GCGR: variants seen among roughly 807,000 people sequenced by gnomAD.
GCGR encodes glucagon receptor.
In GCGR, 41 loss-of-function variants were observed where a neutral mutation model predicts 56.1. That is an observed-to-expected ratio of 0.73 (90% CI 0.57 to 0.95). The LOEUF (loss-of-function observed/expected upper bound fraction) is 0.95, where lower values mean the gene tolerates loss of function less well. Among genes scored for constraint, GCGR ranks in the 40% least tolerant of loss-of-function variants. GCGR has a pLI of 0.00. For missense variants in GCGR, 595 were observed against 638.2 expected, an observed-to-expected ratio of 0.93 and a Z score of 0.73; for synonymous variants, 278 against 271.1, an observed-to-expected ratio of 1.03 and a Z score of -0.25.
chr17:81,808,906 C>T lies in GCGR; in HGVS notation c.-113C>T. 1 of 1,335,326 alleles carries T rather than the reference C, an allele frequency of 7.5e-7. No individual in the cohort carries two copies. Among genetic ancestry groups the T allele is most frequent in the East Asian group, 2.5e-5 (1 of 39,980 alleles). 82.7% of individuals were successfully genotyped at this position (1,335,326 alleles called of 1,614,324 possible). On this transcript the variant is annotated 5_prime_UTR_variant, in exon 2 of 14. Coordinates refer to ENST00000400723, the MANE Select transcript of GCGR (RefSeq NM_000160.5). ...CCCACTGGCCAGGACGCCCCAGGCT[C>T]TGCTGCTCTGCCACTCAGCTGCCCT...
In GCGR at chr17:81,813,862, T is replaced by C; in HGVS notation, c.*173T>C. ...AGATTGGGCCTCCTCTCCCTGCACC[T>C]GCCTTGTCCCTGGTGCAGAGGTGAG... On this transcript the variant is annotated 3_prime_UTR_variant, in exon 14 of 14. Coordinates refer to ENST00000400723, the MANE Select transcript of GCGR (RefSeq NM_000160.5). This position sits in a 1 kb window ranked among gnomAD's most constrained non-coding sequence, Gnocchi z 5.3. 1 of 634,928 alleles carries C rather than the reference T, an allele frequency of 1.6e-6. No homozygotes were observed. The highest frequency in any genetic ancestry group is 2.7e-5 in the East Asian group (1 of 36,466). 39.3% of individuals were successfully genotyped at this position (634,928 alleles called of 1,614,324 possible).
chr17:81,806,649 G>C lies in GCGR; in HGVS notation c.-177-2193G>C, dbSNP rs2037971172. ...CTCCCAGTGGCTCTAGAGTCAACAT[G>C]ACAGGCATCGAATGGCTCCTGTTTC... On this transcript the variant is annotated intron_variant, in intron 1 of 13. Transcript: ENST00000400723. This position sits in a 1 kb window ranked among gnomAD's most constrained non-coding sequence, Gnocchi z 6.5. Among the ~76,000 whole-genome samples, 1 of 152,164 alleles carries C rather than the reference G, an allele frequency of 6.6e-6. No individual in the cohort carries two copies. Among genetic ancestry groups the C allele is most frequent in the Non-Finnish European group, 1.5e-5 (1 of 68,020 alleles).
intron 2 of GCGR, among the ~76,000 whole-genome samples, chr17:81,809,291 T>TCTGC (rs764027336): frequency 8.4e-4 from 98 of 116,960 alleles, no homozygotes; most frequent in East Asian, 3.8e-3. Context: ...TGCCTGTCCG[T>TCTGC]CTGCCTGTCT....
chr17:81,812,597 C>T lies in GCGR; in HGVS notation c.969C>T (p.Val323=), dbSNP rs13306379. 6,682 of 1,536,602 alleles carry T rather than the reference C, an allele frequency of 4.3e-3. 390 individuals are homozygous for T. The Admixed American group carries it at 0.11, about 26-fold the overall frequency. The part of the protein sequence containing the change: ...LAILINFFIF[V]RIVQLLVAKL... The stretch of plus-strand genomic sequence containing the variant: ...CACAGATCAACTTCTTCATCTTCGT[C>T]CGCATCGTTCAGCTGCTCGTGGCCA... The change falls in exon 11 of 14, where the codon GTC becomes GTT. Residue 323 remains valine, a synonymous_variant. Coordinates refer to ENST00000400723, the MANE Select transcript of GCGR (RefSeq NM_000160.5). This position sits in a 1 kb window ranked among gnomAD's most constrained non-coding sequence, Gnocchi z 8.5.
In GCGR at chr17:81,809,085, A is replaced by T. The variant is rs551946615; in HGVS notation, c.60+7A>T. On this transcript the variant is annotated splice_region_variant and intron_variant, in intron 2 of 13. Coordinates refer to ENST00000400723, the MANE Select transcript of GCGR (RefSeq NM_000160.5). ...GCTGCTGCTGGCCTGCCAGGTGAGG[A>T]CTCACAGCACCCTCAGCACCCAGGG... 59 of 1,535,618 alleles carry T rather than the reference A, an allele frequency of 3.8e-5. No individual in the cohort carries two copies. In the South Asian group the frequency reaches 6.8e-4, roughly 18 times the overall value.
In GCGR at chr17:81,810,027, G is replaced by A. The variant is rs1166026070; in HGVS notation, c.163+143G>A. 15 of 715,372 alleles carry A rather than the reference G, an allele frequency of 2.1e-5. No individual in the cohort carries two copies. Among genetic ancestry groups the A allele is most frequent in the East Asian group, 1.6e-4 (6 of 37,066 alleles). 44.3% of individuals were successfully genotyped at this position (715,372 alleles called of 1,614,324 possible). On this transcript the variant is annotated intron_variant, in intron 3 of 13. Transcript: ENST00000400723. The surrounding 1 kb of genome is among the most constrained non-coding windows in gnomAD (Gnocchi z 4.6). Reference sequence around the variant, plus strand: ...TGTCATTCCTCAGGCCCCCACCACCGTGGGCAGGTGAGGTAACGAGGTAAC... The same window carrying A: ...TGTCATTCCTCAGGCCCCCACCACCATGGGCAGGTGAGGTAACGAGGTAAC...
At position 81,810,468 on chromosome 17, in the gene GCGR, C is replaced by A. The variant is rs1035544555; in HGVS notation, c.164-357C>A. 9 of 398,464 alleles carry A rather than the reference C, an allele frequency of 2.3e-5. No individual in the cohort carries two copies. Among genetic ancestry groups the A allele is most frequent in the Non-Finnish European group, 4.2e-5 (9 of 213,172 alleles). The allele number at this position is 398,464 out of a possible 1,614,324, so 24.7% of individuals were successfully genotyped here. A position where few individuals can be genotyped will look rare whatever the true frequency, so the allele number is the denominator to read the frequency against. The stretch of plus-strand genomic sequence containing the variant: ...GGATGAAAATGGCATTGGGGTTCAG[C>A]CCCCAGAGAGGGAGGTGCTGAGAGA... On this transcript the variant is annotated intron_variant, in intron 3 of 13. Transcript: ENST00000400723. The surrounding 1 kb of genome is among the most constrained non-coding windows in gnomAD (Gnocchi z 4.6).
intron 1 of GCGR, among the ~76,000 whole-genome samples, chr17:81,807,308 C>T (rs1172915622): frequency 6.6e-6 from 1 of 152,242 alleles, no homozygotes; most frequent in African/African-American, 2.4e-5. Context: ...CCCATCGGCC[C>T]CTACATGAGC....
rs762562348 is a variant in GCGR at position 81,812,594 on chromosome 17, C to T, written c.966C>T (p.Phe322=). The T allele has an allele frequency of 5.2e-6, 8 of 1,536,572 alleles. No individual in the cohort carries two copies. The Admixed American group carries it at 5.9e-5, about 11-fold the overall frequency. Residue 322 remains phenylalanine (F), a synonymous_variant, in exon 11 of 14, where the codon TTC becomes TTT. Transcript: ENST00000400723. This position sits in a 1 kb window ranked among gnomAD's most constrained non-coding sequence, Gnocchi z 8.5. ...TCACACAGATCAACTTCTTCATCTT[C>T]GTCCGCATCGTTCAGCTGCTCGTGG... ...FLAILINFFI[F]VRIVQLLVAK...
Position 81,812,506 on chromosome 17 carries a change from G to A in GCGR, c.949-71G>A, listed in dbSNP as rs1598239545. 2.1e-6 allele frequency: 3 copies of A among 1,417,090 alleles called. No individual in the cohort carries two copies. The highest frequency in any genetic ancestry group is 1.9e-6 in the Non-Finnish European group (2 of 1,046,174). The allele number at this position is 1,417,090 out of a possible 1,614,324, so 87.8% of individuals were successfully genotyped here. Reference sequence around the variant, plus strand: ...AGGCCCACCTGCAGGAGGGTCAGGTGGGGCCTTCCAAGGGCACAGAGCTGT... The same window carrying A: ...AGGCCCACCTGCAGGAGGGTCAGGTAGGGCCTTCCAAGGGCACAGAGCTGT... On this transcript the variant is annotated intron_variant, in intron 10 of 13. Transcript: ENST00000400723. This position sits in a 1 kb window ranked among gnomAD's most constrained non-coding sequence, Gnocchi z 8.5.
intron 1 of GCGR, among the ~76,000 whole-genome samples, chr17:81,805,478 C>CA (rs1408050908): frequency 6.6e-6 from 1 of 151,968 alleles, no homozygotes; most frequent in African/African-American, 2.4e-5. Context: ...AGAAGGCGGG[C>CA]AGGGCACCTC....
Position 81,809,024 on chromosome 17 carries a change from C to T in GCGR, c.6C>T (p.Pro2=), listed in dbSNP as rs2143112428. 3 of 1,536,082 alleles carry T rather than the reference C, an allele frequency of 2.0e-6. No individual in the cohort carries two copies. Among genetic ancestry groups the T allele is most frequent in the Non-Finnish European group, 2.6e-6 (3 of 1,146,880 alleles). Residue 2 remains proline (P), a synonymous_variant, in exon 2 of 14, where the codon CCC becomes CCT. Transcript: ENST00000400723. M[P]PCQPQRPLLL... is the part of the protein sequence containing the mutation. ...GCAGCTAGCTGCCCAGAGGCATGCC[C>T]CCCTGCCAGCCACAGCGACCCCTGC...
chr17:81,808,784 T>C, intron 1 of GCGR, 58 bp from the exon 2 acceptor site: 1 of 583,942 alleles, frequency 1.7e-6, no homozygotes, highest in Non-Finnish European at 3.0e-6. Flanking sequence ...CTCCCAAAGT[T>C]CTGGGATTAC....
At chr17:81,808,058 A>G (rs2037998073) in intron 1 of GCGR, among the ~76,000 whole-genome samples, 1 of 152,182 alleles carries the variant, frequency 6.6e-6, no homozygotes, top group Non-Finnish European at 1.5e-5. Context: ...CGAGCCTTGC[A>G]CGGCACCCAC....
At position 81,811,969 on chromosome 17, in the gene GCGR, C is replaced by A; in HGVS notation, c.878+23C>A. On this transcript the variant is annotated intron_variant, in intron 9 of 13. Transcript: ENST00000400723. This position sits in a 1 kb window ranked among gnomAD's most constrained non-coding sequence, Gnocchi z 5.8. Reference sequence around the variant, plus strand: ...CCAGTGAGTATGAGCGGCTGGACAGCCTGGGGAGGGACCGGGGGGCTGGGG... The same window carrying A: ...CCAGTGAGTATGAGCGGCTGGACAGACTGGGGAGGGACCGGGGGGCTGGGG... 6.5e-6 allele frequency: 10 copies of A among 1,536,578 alleles called. No homozygotes were observed. The highest frequency in any genetic ancestry group is 8.7e-6 in the Non-Finnish European group (10 of 1,146,758).
Position 81,810,121 on chromosome 17 carries a change from C to G in GCGR, c.163+237C>G. 1 of 594,144 alleles carries G rather than the reference C, an allele frequency of 1.7e-6. No individual in the cohort carries two copies. The highest frequency in any genetic ancestry group is 2.9e-5 in the East Asian group (1 of 34,178). The allele number at this position is 594,144 out of a possible 1,614,324, so 36.8% of individuals were successfully genotyped here. ...AAATAACAGAACGGTGGCATTGCCC[C>G]AGAACCGGCTGCTGCTGCTGCCCCC... On this transcript the variant is annotated intron_variant, in intron 3 of 13. Transcript: ENST00000400723. The surrounding 1 kb of genome is among the most constrained non-coding windows in gnomAD (Gnocchi z 4.6).
In GCGR at chr17:81,813,493, G is replaced by A. The variant is rs887645895; in HGVS notation, c.1238G>A (p.Arg413Gln). 7.8e-6 allele frequency: 12 copies of A among 1,535,208 alleles called. No homozygotes were observed. The highest frequency in any genetic ancestry group is 3.6e-5 in the South Asian group (3 of 84,032). Reference protein sequence around the residue: ...LNKEVQSELRRRWHRWRLGKV... With the variant: ...LNKEVQSELRQRWHRWRLGKV... ...CCCCAGGTGCAGTCGGAGCTGCGGC[G>A]GCGTTGGCACCGCTGGCGCCTGGGC... Residue 413 changes from arginine to glutamine, a missense_variant, in exon 14 of 14, where the codon CGG (arginine) becomes CAG (glutamine). Physicochemically the swap from Arg to Gln is conservative, Grantham distance 43. Coordinates refer to ENST00000400723, the MANE Select transcript of GCGR (RefSeq NM_000160.5). The surrounding 1 kb of genome is among the most constrained non-coding windows in gnomAD (Gnocchi z 5.3).
rs13306380 is a variant in GCGR at position 81,812,676 on chromosome 17, C to G, written c.1037+11C>G. On this transcript the variant is annotated intron_variant, in intron 11 of 13. Transcript: ENST00000400723. This position sits in a 1 kb window ranked among gnomAD's most constrained non-coding sequence, Gnocchi z 8.5. ...AGACTACAAGTTCCGGTGGGTGCCG[C>G]GGCAGCTGGCGTCTCGAGACCTGGA... 3.3e-6 allele frequency: 5 copies of G among 1,532,260 alleles called. No individual in the cohort carries two copies. In the South Asian group the frequency reaches 6.0e-5, roughly 18 times the overall value. 94.9% of individuals were successfully genotyped at this position (1,532,260 alleles called of 1,614,324 possible).
chr17:81,813,038 A>C lies in GCGR; in HGVS notation c.1199A>C (p.Tyr400Ser). 1 of 1,536,186 alleles carries C rather than the reference A, an allele frequency of 6.5e-7. No individual in the cohort carries two copies. The highest frequency in any genetic ancestry group is 8.7e-7 in the Non-Finnish European group (1 of 1,146,774). Residue 400 changes from tyrosine (Y) to serine (S), a missense_variant, in exon 13 of 14, where the codon TAC (tyrosine) becomes TCC (serine). Coordinates refer to ENST00000400723, the MANE Select transcript of GCGR (RefSeq NM_000160.5). This position sits in a 1 kb window ranked among gnomAD's most constrained non-coding sequence, Gnocchi z 5.3. ...SFQGLLVAVLYCFLNKEVQSE... is the reference protein window; with the variant it reads ...SFQGLLVAVLSCFLNKEVQSE... ...CAGGGCCTGCTGGTGGCTGTCCTCT[A>C]CTGCTTCCTCAACAAGGAGGTAGGT... is the stretch of plus-strand genomic sequence containing the variant.
Sources: gnomAD v4.1 joint callset for allele counts (sites outside exome capture counted in the v4.1 genomes callset) on GRCh38, gnomAD v4.1.1 for gene constraint, Gnocchi (gnomAD v3.1) non-coding constraint, MANE v1.5 for transcripts, NCBI Gene and HGNC (gene_info 2026-07-23, HGNC 2026-07-21) for gene names.